The following GATAD2A variants were observed in gnomAD, a reference collection of about 807,000 sequenced individuals.
The protein encoded by GATAD2A is GATA zinc finger domain containing 2A.
In GATAD2A, 12 loss-of-function variants were observed where a neutral mutation model predicts 68.5. The ratio of observed to expected loss-of-function variants is 0.18; its 90% CI spans 0.11 to 0.28. The LOEUF (loss-of-function observed/expected upper bound fraction) is 0.28, where lower values mean the gene tolerates loss of function less well. Among genes scored for constraint, GATAD2A ranks in the 10% least tolerant of loss-of-function variants. The pLI, the probability that GATAD2A is intolerant of heterozygous loss-of-function variation, is 1.00. For missense variants in GATAD2A, 755 were observed against 868.5 expected, an observed-to-expected ratio of 0.87 and a Z score of 1.64; for synonymous variants, 410 against 375.3, an observed-to-expected ratio of 1.09 and a Z score of -1.07.
chr19:19,447,530 G>A (rs1035123287), intron 1 of GATAD2A, among the ~76,000 whole-genome samples: 3 of 152,228 alleles, frequency 2.0e-5, no homozygotes, highest in African/African-American at 7.2e-5. Flanking sequence ...GAGGGGAAGA[G>A]TTCCATTTGC....
intron 2 of GATAD2A, among the ~76,000 whole-genome samples, chr19:19,484,739 TAGCC>T (rs1292376629): frequency 6.6e-6 from 1 of 152,056 alleles, no homozygotes; most frequent in African/African-American, 2.4e-5. Context: ...TTCACTGTGT[TAGCC>T]AGGATGGTCT....
chr19:19,424,789 A>G (rs1029762494), intron 1 of GATAD2A, among the ~76,000 whole-genome samples: 1 of 152,126 alleles, frequency 6.6e-6, no homozygotes, highest in East Asian at 1.9e-4. Flanking sequence ...GAGGTTGCCC[A>G]TATGACAGGT....
chr19:19,394,949 C>CT (rs1288420723), intron 1 of GATAD2A, among the ~76,000 whole-genome samples: 3 of 151,606 alleles, frequency 2.0e-5, no homozygotes, highest in African/African-American at 4.8e-5. Flanking sequence ...TTCTGGTTGT[C>CT]TTTTTTTTTC....
intron 2 of GATAD2A, among the ~76,000 whole-genome samples, chr19:19,478,101 A>C (rs939957554): frequency 1.3e-5 from 2 of 152,192 alleles, no homozygotes; most frequent in Admixed American, 6.5e-5. Context: ...TCAAAATACA[A>C]CTTTGGCAGC....
chr19:19,437,663 G>T (rs1439545431), intron 1 of GATAD2A, among the ~76,000 whole-genome samples: 1 of 152,006 alleles, frequency 6.6e-6, no homozygotes, highest in Admixed American at 6.6e-5. Flanking sequence ...GACATTTATT[G>T]TAAATGGACT....
chr19:19,444,413 CCA>C (rs1417310096), intron 1 of GATAD2A, among the ~76,000 whole-genome samples: 1 of 152,190 alleles, frequency 6.6e-6, no homozygotes, highest in East Asian at 1.9e-4. Flanking sequence ...GCCCCCCACT[CCA>C]GTGTTCTCCT....
At chr19:19,392,079 CTTTTTTTTTTTTT>C (rs753791949) in intron 1 of GATAD2A, among the ~76,000 whole-genome samples, 13 of 107,066 alleles carry the variant, frequency 1.2e-4, no homozygotes, top group Non-Finnish European at 1.1e-4. Context: ...AGAGTTTTTC[CTTTTTTTTTTTTT>C]TTTTTTTTTT....
At chr19:19,415,673 A>G (rs1258468063) in intron 1 of GATAD2A, among the ~76,000 whole-genome samples, 3 of 140,200 alleles carry the variant, frequency 2.1e-5, no homozygotes, top group Non-Finnish European at 4.5e-5. Flanking sequence ...GCTGGAGGGC[A>G]GTGGCATGTT....
intron 1 of GATAD2A, among the ~76,000 whole-genome samples, chr19:19,428,683 C>G (rs559092233): frequency 1.3e-5 from 2 of 152,260 alleles, no homozygotes; most frequent in Admixed American, 6.5e-5. Flanking sequence ...GGGCAGGGCT[C>G]TGGACCCGCA....
intron 2 of GATAD2A, among the ~76,000 whole-genome samples, chr19:19,482,380 G>C (rs1195835938): frequency 6.6e-6 from 1 of 152,172 alleles, no homozygotes; most frequent in Non-Finnish European, 1.5e-5. Context: ...CTCCATCCTG[G>C]GCAATAGAGG....
intron 1 of GATAD2A, among the ~76,000 whole-genome samples, chr19:19,453,014 C>T (rs117495579): frequency 2.0e-5 from 3 of 152,348 alleles, no homozygotes; most frequent in Non-Finnish European, 4.4e-5. Context: ...AAGCCCGTGC[C>T]CTGTGACTCC....
At chr19:19,413,998 T>A (rs1169192625) in intron 1 of GATAD2A, among the ~76,000 whole-genome samples, 4 of 152,154 alleles carry the variant, frequency 2.6e-5, no homozygotes, top group African/African-American at 9.7e-5. Flanking sequence ...TTTTTAGTGT[T>A]GAGTCTTTTT....
At chr19:19,482,688 C>T (rs1037512388) in intron 2 of GATAD2A, among the ~76,000 whole-genome samples, 10 of 152,056 alleles carry the variant, frequency 6.6e-5, no homozygotes, top group Admixed American at 3.3e-4. Context: ...TGGTGGTTGG[C>T]CTAGGAATGG....
chr19:19,476,817 C>T lies in GATAD2A; in HGVS notation c.269+11203C>T, dbSNP rs529023334. Among the ~76,000 whole-genome samples the T allele has an allele frequency of 7.2e-5, 11 of 152,290 alleles. No individual in the cohort carries two copies. The South Asian group carries it at 2.1e-3, about 29-fold the overall frequency. ...CACACCCAGGGGGGCAGTGTTTTCC[C>T]GGTTAGCAGAATATGCCCCTGGAAG... On this transcript the variant is annotated intron_variant, in intron 2 of 11. Coordinates refer to ENST00000683918, the MANE Select transcript of GATAD2A (RefSeq NM_001384528.1).
rs2060896744 is a variant in GATAD2A, at chr19:19,507,107, T to G, written c.*1633T>G. On this transcript the variant is annotated 3_prime_UTR_variant, in exon 12 of 12. Coordinates refer to ENST00000683918, the MANE Select transcript of GATAD2A (RefSeq NM_001384528.1). ...TCCCCAAATTTCTCACTAATTTTTG[T>G]TTTTTTGTGCATAACTTGGATGGGC... is the stretch of plus-strand genomic sequence containing the variant. The G allele has an allele frequency of 6.6e-6, 1 of 151,798 alleles. No individual in the cohort carries two copies. The highest frequency in any genetic ancestry group is 2.4e-5 in the African/African-American group (1 of 41,340). 9.4% of individuals were successfully genotyped at this position (151,798 alleles called of 1,614,324 possible). A position where few individuals can be genotyped will look rare whatever the true frequency, so the allele number is the denominator to read the frequency against.
intron 1 of GATAD2A, among the ~76,000 whole-genome samples, chr19:19,419,374 C>T (rs115664840): frequency 0.014 from 2,164 of 152,288 alleles, 58 homozygotes; most frequent in African/African-American, 0.049. Flanking sequence ...GCTGTTCCTG[C>T]CCATGGAACT....
At chr19:19,442,727 G>T (rs536680946) in intron 1 of GATAD2A, among the ~76,000 whole-genome samples, 1 of 150,194 alleles carries the variant, frequency 6.7e-6, no homozygotes, top group Non-Finnish European at 1.5e-5. Context: ...CTGAGCTCAG[G>T]AGTTGGAGTC....
intron 4 of GATAD2A, 109 bp downstream of exon 4, chr19:19,492,821 G>A: frequency 1.8e-6 from 2 of 1,092,954 alleles, no homozygotes; most frequent in South Asian, 1.4e-5. Flanking sequence ...CCTTGAGGGA[G>A]TATAGGGCAA....
chr19:19,397,965 G>A (rs1035250094), intron 1 of GATAD2A, among the ~76,000 whole-genome samples: 1 of 152,164 alleles, frequency 6.6e-6, no homozygotes, highest in East Asian at 1.9e-4. Flanking sequence ...GTGCAGTGGC[G>A]TGATCTCGGC....
Sources: gnomAD v4.1 joint callset for allele counts (sites outside exome capture counted in the v4.1 genomes callset) on GRCh38, gnomAD v4.1.1 for gene constraint, MANE v1.5 for transcripts, NCBI Gene and HGNC (gene_info 2026-07-23, HGNC 2026-07-21) for gene names.